TIPIN: variants seen among roughly 807,000 people sequenced by gnomAD.
TIPIN encodes the protein TIMELESS-interacting protein.
A neutral mutation model predicts 35.6 loss-of-function variants in TIPIN; 29 were observed. The ratio of observed to expected loss-of-function variants is 0.82; its 90% confidence interval spans 0.61 to 1.11. The LOEUF is 1.11. Ranked by LOEUF, TIPIN falls within the 50% of genes most tolerant of loss-of-function variation. The probability of loss-of-function intolerance (pLI) is 0.00; values close to 1 mark genes in which losing one functional copy is unlikely to be tolerated. For missense variants in TIPIN, 296 were observed against 345.4 expected (o/e 0.86, Z 1.13); for synonymous variants, 102 against 121.5 (o/e 0.84, Z 1.06).
At chr15:66,370,438 G>C (rs2093273565) in intron 1 of TIPIN, among the ~76,000 whole-genome samples, 1 of 151,554 alleles carries the variant, frequency 6.6e-6, no homozygotes, top group South Asian at 2.1e-4. Context: ...AATGTCGGAC[G>C]TGAAGAACCA....
chr15:66,368,455 G>A (rs551267896), intron 1 of TIPIN, among the ~76,000 whole-genome samples: 1 of 152,146 alleles, frequency 6.6e-6, no homozygotes, highest in Admixed American at 6.6e-5. Flanking sequence ...CTTGAGCCTG[G>A]GAGTTACAGG....
chr15:66,356,759 G>A (rs1289450696), upstream of TIPIN: 1 of 984,070 alleles, frequency 1.0e-6, no homozygotes, highest in Non-Finnish European at 1.2e-6. Flanking sequence ...AAATCCGTGC[G>A]GGGGGCTGGG....
intron 6 of TIPIN, among the ~76,000 whole-genome samples, chr15:66,345,334 T>C (rs1448196690): frequency 6.6e-6 from 1 of 151,910 alleles, no homozygotes; most frequent in Non-Finnish European, 1.5e-5. Flanking sequence ...TCCCGGCACG[T>C]TGGGAGGCCA....
chr15:66,359,531 T>C (rs1027892544), upstream of TIPIN, among the ~76,000 whole-genome samples: 1 of 151,932 alleles, frequency 6.6e-6, no homozygotes, highest in Non-Finnish European at 1.5e-5. Flanking sequence ...TTTTTGTATT[T>C]AGTAGAGATG....
chr15:66,345,211 C>A (rs1276020753), intron 6 of TIPIN, among the ~76,000 whole-genome samples: 14 of 151,884 alleles, frequency 9.2e-5, no homozygotes, highest in Admixed American at 9.2e-4. Context: ...TTGAGGGGTA[C>A]AAGGGAAGAG....
chr15:66,382,386 T>C (rs376398992), intron 1 of TIPIN: 3 of 985,008 alleles, frequency 3.0e-6, no homozygotes, highest in African/African-American at 1.7e-5. Context: ...ATTCTTGATA[T>C]GTTTTCATCA....
At chr15:66,339,160 A>C (rs1408682639) in intron 7 of TIPIN, among the ~76,000 whole-genome samples, 2 of 138,558 alleles carry the variant, frequency 1.4e-5, no homozygotes, top group Non-Finnish European at 3.1e-5. Context: ...AAAAAAAAGC[A>C]AAAAGAAAAA....
At chr15:66,346,415 C>T (rs1595790409) in intron 6 of TIPIN, among the ~76,000 whole-genome samples, 1 of 151,790 alleles carries the variant, frequency 6.6e-6, no homozygotes, top group East Asian at 1.9e-4. Context: ...TTTTTTCTTC[C>T]TCTCACCCCC....
In TIPIN at chr15:66,341,767, CAAAAAAAAAAAAAA is replaced by C. The variant is rs1211050785; in HGVS notation, c.476-425_476-412del. ...TGGGCGACAGAGCGAGACTCCGTCT[CAAAAAAAAAAAAAA>C]AAAAAAAAAAAAAAAAGAATGTTGT... On this transcript the variant is annotated intron_variant, in intron 6 of 7. Coordinates refer to ENST00000261881, the MANE Select transcript of TIPIN (RefSeq NM_017858.3). 1.6e-3 allele frequency among the ~76,000 whole-genome samples: 231 copies of C among 142,724 alleles called. 90 individuals are homozygous for C. The highest frequency in any genetic ancestry group is 6.4e-3 in the African/African-American group (224 of 35,200). The allele number at this position is 142,724 out of a possible 152,430, so 93.6% of individuals were successfully genotyped here.
At chr15:66,352,433 G>A (rs946803515) in intron 2 of TIPIN, among the ~76,000 whole-genome samples, 1 of 152,098 alleles carries the variant, frequency 6.6e-6, no homozygotes, top group Non-Finnish European at 1.5e-5. Flanking sequence ...CGAGTACCTG[G>A]AAGTACAGGT....
Position 66,337,014 on chromosome 15 carries a change from TAA to T in TIPIN, c.848_849del (p.Phe283Ter). On this transcript the variant is annotated frameshift_variant, in exon 8 of 8. Transcript: ENST00000261881. LOFTEE classifies it high-confidence loss of function. ...GCATCAAGTTGCTGTTGCACATTTT[TAA>T]AAGACTGGTCCAGCAGTGTTTCCTC... ...NEEETLLDQS[F>X]KNVQQQLDAT... is the part of the protein sequence containing the mutation. The T allele has an allele frequency of 6.2e-7, 1 of 1,613,896 alleles. No homozygotes were observed. The highest frequency in any genetic ancestry group is 8.5e-7 in the Non-Finnish European group (1 of 1,179,836).
At chr15:66,352,979 T>C (rs2093178949) in intron 1 of TIPIN, 24 bp from the exon 2 acceptor site, 1 of 1,603,162 alleles carries the variant, frequency 6.2e-7, no homozygotes, top group East Asian at 2.2e-5. Flanking sequence ...TTAAAGTTAT[T>C]TGTATTCATC....
chr15:66,350,908 C>T (rs913501818), intron 4 of TIPIN, among the ~76,000 whole-genome samples: 22 of 141,664 alleles, frequency 1.6e-4, no homozygotes, highest in Admixed American at 1.4e-3. Flanking sequence ...GCACTCCAGC[C>T]TGGGCAACAG....
chr15:66,364,966 C>CAA (rs138230933), intron 1 of TIPIN, among the ~76,000 whole-genome samples: 1 of 76,154 alleles, frequency 1.3e-5, no homozygotes. Context: ...AACTCCATCT[C>CAA]AAAAAAAAAG....
At chr15:66,366,597 C>CAAAAAAAAAA (rs757848258) in intron 1 of TIPIN, among the ~76,000 whole-genome samples, 1 of 92,218 alleles carries the variant, frequency 1.1e-5, no homozygotes, top group Non-Finnish European at 2.0e-5. Flanking sequence ...ACTAAATATA[C>CAAAAAAAAAA]AAAAAAAAAA....
chr15:66,357,724 G>A (rs765272667), upstream of TIPIN, among the ~76,000 whole-genome samples: 8 of 151,940 alleles, frequency 5.3e-5, no homozygotes, highest in Non-Finnish European at 1.2e-4. Context: ...TTGGGAGGCC[G>A]AGGCGGGCAG....
upstream of TIPIN, among the ~76,000 whole-genome samples, chr15:66,360,850 C>T (rs2093227899): frequency 1.3e-5 from 2 of 152,178 alleles, no homozygotes; most frequent in Admixed American, 1.3e-4. Context: ...CCTGTAATCC[C>T]AGCTACTGGG....
In TIPIN at chr15:66,379,692, C is replaced by G; in HGVS notation, c.-9+6915G>C. The stretch of plus-strand genomic sequence containing the variant: ...ACCCTTGATCATGTTCTGTACATGA[C>G]TACAAATAGTCCGAACGGTAGCCAG... On this transcript the variant is annotated intron_variant, in intron 1 of 7. Coordinates refer to the TIPIN transcript ENST00000562124. 6 of 1,611,274 alleles carry G rather than the reference C, an allele frequency of 3.7e-6. No individual in the cohort carries two copies. In the South Asian group the frequency reaches 6.6e-5, roughly 18 times the overall value.
chr15:66,348,008 C>CTT (rs543925918), intron 6 of TIPIN, among the ~76,000 whole-genome samples: 91,053 of 135,448 alleles, frequency 0.67, 31,472 homozygotes, highest in East Asian at 0.82. Context: ...TTCTTTCTTT[C>CTT]TTTTTTTTTT....
Sources: gnomAD v4.1 joint callset for allele counts (sites outside exome capture counted in the v4.1 genomes callset) on GRCh38, gnomAD v4.1.1 for gene constraint, MANE v1.5 for transcripts, NCBI Gene and HGNC (gene_info 2026-07-23, HGNC 2026-07-21) for gene names.